PPARGC1A: variants seen among roughly 807,000 people sequenced by gnomAD.
PPARGC1A encodes peroxisome proliferator-activated receptor gamma coactivator 1-alpha.
A neutral mutation model predicts 88.7 loss-of-function variants in PPARGC1A; 25 were observed. The ratio of observed to expected loss-of-function variants is 0.28; its 90% CI spans 0.21 to 0.39. The LOEUF is 0.39. Among genes scored for constraint, PPARGC1A ranks in the 10% least tolerant of loss-of-function variants. The pLI, the probability that PPARGC1A is intolerant of heterozygous loss-of-function variation, is 1.00. For missense variants in PPARGC1A, 880 were observed against 968.7 expected, an observed-to-expected ratio of 0.91 and a Z score of 1.22; for synonymous variants, 363 against 355.6, an observed-to-expected ratio of 1.02 and a Z score of -0.24.
At chr4:24,348,882 A>C in the PPARGC1A span, among the ~76,000 whole-genome samples, 1 of 152,160 alleles carries the variant, frequency 6.6e-6, no homozygotes, top group African/African-American at 2.4e-5. Context: ...GCCTTGTTTT[A>C]TCATATTACC....
At chr4:24,287,400 A>G in the PPARGC1A span, among the ~76,000 whole-genome samples, 2 of 152,118 alleles carry the variant, frequency 1.3e-5, no homozygotes, top group African/African-American at 4.8e-5. Context: ...CAACTTCTTT[A>G]ATGTTTAAGC....
the PPARGC1A span, among the ~76,000 whole-genome samples, chr4:24,028,105 C>T: frequency 0.028 from 3,946 of 140,022 alleles, 189 homozygotes; most frequent in African/African-American, 0.091. Context: ...GGCATTGGAC[C>T]CCAAGGCTCC....
At chr4:24,105,248 G>A in the PPARGC1A span, among the ~76,000 whole-genome samples, 11 of 152,110 alleles carry the variant, frequency 7.2e-5, no homozygotes, top group Non-Finnish European at 1.6e-4. Context: ...ACGTTACAGA[G>A]GAAGAAAACA....
chr4:23,826,098 G>A (rs531066137), intron 5 of PPARGC1A, among the ~76,000 whole-genome samples: 7 of 152,186 alleles, frequency 4.6e-5, no homozygotes, highest in South Asian at 2.1e-4. Context: ...GAAGACTCTC[G>A]AATTCTGATT....
chr4:23,999,153 C>G, the PPARGC1A span, among the ~76,000 whole-genome samples: 3 of 152,056 alleles, frequency 2.0e-5, no homozygotes, highest in African/African-American at 7.2e-5. Context: ...ATACCAAGGG[C>G]CTCTTCCTGA....
chr4:23,948,854 G>A, the PPARGC1A span, among the ~76,000 whole-genome samples: 1 of 152,144 alleles, frequency 6.6e-6, no homozygotes. Context: ...TGTTTCCCAA[G>A]CCAGCCCTTA....
At chr4:24,073,526 C>G in the PPARGC1A span, among the ~76,000 whole-genome samples, 3 of 152,178 alleles carry the variant, frequency 2.0e-5, no homozygotes, top group Admixed American at 6.5e-5. Context: ...ATAGCTGAAA[C>G]CAACCTCAAG....
At chr4:23,985,480 T>G in the PPARGC1A span, among the ~76,000 whole-genome samples, 240 of 152,000 alleles carry the variant, frequency 1.6e-3, no homozygotes, top group African/African-American at 5.3e-3. Flanking sequence ...TTTTTTTTTT[T>G]TTTTTTTGCT....
At chr4:23,956,254 A>C in the PPARGC1A span, among the ~76,000 whole-genome samples, 1 of 152,038 alleles carries the variant, frequency 6.6e-6, no homozygotes, top group South Asian at 2.1e-4. Context: ...CATGCCCATC[A>C]CCTGTGGATC....
At chr4:24,247,028 A>G in the PPARGC1A span, among the ~76,000 whole-genome samples, 5 of 152,226 alleles carry the variant, frequency 3.3e-5, no homozygotes, top group African/African-American at 1.2e-4. Flanking sequence ...TTTTCAGGTA[A>G]AATTGTCTTT....
the PPARGC1A span, among the ~76,000 whole-genome samples, chr4:24,371,601 T>A: frequency 6.6e-6 from 1 of 151,616 alleles, no homozygotes. Flanking sequence ...AGTCCCTGAG[T>A]CAGATATGAA....
chr4:24,464,113 T>C, the PPARGC1A span, among the ~76,000 whole-genome samples: 1 of 152,218 alleles, frequency 6.6e-6, no homozygotes, highest in Non-Finnish European at 1.5e-5. Context: ...CCACATTTCA[T>C]TTTAGGAGAG....
the PPARGC1A span, among the ~76,000 whole-genome samples, chr4:24,246,748 C>T: frequency 4.6e-5 from 7 of 152,210 alleles, no homozygotes; most frequent in East Asian, 1.9e-4. Context: ...ACGTCACCCA[C>T]GGAACCATCT....
intron 1 of PPARGC1A, 42 bp downstream of exon 1, chr4:23,889,862 G>C: frequency 6.2e-7 from 1 of 1,603,280 alleles, no homozygotes; most frequent in East Asian, 2.2e-5. Context: ...TCTGAGGGAA[G>C]CGTCAGTTGT....
Position 23,802,266 on chromosome 4 carries a change from A to G in PPARGC1A, c.2099T>C (p.Phe700Ser). ...TACTGTGCACTCCTCAATTTCACCA[A>G]AAACTTCAAAACGGTCCCTCAGTTC... is the stretch of plus-strand genomic sequence containing the variant. ...RTELRDRFEV[F>S]GEIEECTVNL... The change falls in exon 11 of 13, where the codon TTT (phenylalanine) becomes TCT (serine). Residue 700 changes from phenylalanine to serine, a missense_variant. Physicochemically the swap from Phe to Ser is radical, Grantham distance 155 (BLOSUM62 -2). Coordinates refer to ENST00000264867, the MANE Select transcript of PPARGC1A (RefSeq NM_013261.5). 1.2e-6 allele frequency: 2 copies of G among 1,614,018 alleles called. No individual in the cohort carries two copies. Among genetic ancestry groups the G allele is most frequent in the Non-Finnish European group, 1.7e-6 (2 of 1,179,968 alleles).
At chr4:24,209,064 C>A in the PPARGC1A span, among the ~76,000 whole-genome samples, 1 of 152,128 alleles carries the variant, frequency 6.6e-6, no homozygotes, top group African/African-American at 2.4e-5. Flanking sequence ...CCACACTAGG[C>A]CTTGTCGAAG....
At chr4:23,831,886 T>C in intron 2 of PPARGC1A, 135 bp from the exon 3 acceptor site, 1 of 700,002 alleles carries the variant, frequency 1.4e-6, no homozygotes, top group Non-Finnish European at 2.4e-6. Flanking sequence ...AAAGATCATG[T>C]CTTTCTCAAA....
the PPARGC1A span, among the ~76,000 whole-genome samples, chr4:24,009,371 T>A: frequency 6.6e-6 from 1 of 152,128 alleles, no homozygotes; most frequent in African/African-American, 2.4e-5. Flanking sequence ...TAGGGTCTGA[T>A]TTTATTCTTG....
chr4:24,416,483 G>A, the PPARGC1A span, among the ~76,000 whole-genome samples: 2 of 152,178 alleles, frequency 1.3e-5, no homozygotes, highest in African/African-American at 4.8e-5. Flanking sequence ...AGTGGGAATG[G>A]GAGAGAAGGG....
Sources: gnomAD v4.1 joint callset for allele counts (sites outside exome capture counted in the v4.1 genomes callset) on GRCh38, gnomAD v4.1.1 for gene constraint, MANE v1.5 for transcripts, NCBI Gene and HGNC (gene_info 2026-07-23, HGNC 2026-07-21) for gene names.